The following PHF1 variants were observed in gnomAD, a reference collection of about 807,000 sequenced individuals.
PHF1 encodes the protein PHD finger protein 1.
A neutral mutation model predicts 69.4 loss-of-function variants in PHF1; 16 were observed. That is an observed-to-expected ratio of 0.23 (90% CI 0.16 to 0.35). The LOEUF (loss-of-function observed/expected upper bound fraction) is 0.35. Among genes scored for constraint, PHF1 ranks in the 10% least tolerant of loss-of-function variants. The probability of loss-of-function intolerance (pLI) is 1.00; values close to 1 mark genes in which losing one functional copy is unlikely to be tolerated. For missense variants in PHF1, 515 were observed against 732.8 expected (o/e 0.70, Z 3.43); for synonymous variants, 274 against 275.0 (o/e 1.00, Z 0.04).
rs369609725 is a variant in PHF1 at position 33,414,022 on chromosome 6, C to T, written c.684-19C>T. ...GTTTTCCTGTGTAAGTGTGTTTGCTCCCTCTTGCCCATGTCCAGGTTCTAT... is the reference window on the plus strand; with the variant it reads ...GTTTTCCTGTGTAAGTGTGTTTGCTTCCTCTTGCCCATGTCCAGGTTCTAT... On this transcript the variant is annotated intron_variant, in intron 7 of 14. Coordinates refer to ENST00000374516, the MANE Select transcript of PHF1 (RefSeq NM_024165.3). The surrounding 1 kb of genome is among the most constrained non-coding windows in gnomAD (Gnocchi z 5.0). 9.4e-5 allele frequency: 151 copies of T among 1,613,896 alleles called. No individual in the cohort carries two copies. The highest frequency in any genetic ancestry group is 5.7e-4 in the African/African-American group (43 of 74,994).
At chr6:33,413,168 A>C in intron 4 of PHF1, 28 bp from the exon 5 acceptor site, 1 of 1,573,730 alleles carries the variant, frequency 6.4e-7, no homozygotes, top group Middle Eastern at 1.7e-4. Context: ...ACAGGTATGC[A>C]ATAAGTGGTC....
chr6:33,415,921 A>ACGCTCAGCACCCCCTTCTCCCCTGTGC lies in PHF1; in HGVS notation c.1530_1556dup (p.Ala512_Ser520dup). 1.9e-6 allele frequency: 3 copies of ACGCTCAGCACCCCCTTCTCCCCTGTGC among 1,614,012 alleles called. No homozygotes were observed. In the Admixed American group the frequency reaches 5.0e-5, roughly 27 times the overall value. Reference sequence around the variant, plus strand: ...CATCCCCATCCCCAGGTCTTCCTAGACGCTCAGCACCCCCTTCTCCCCTGT... The same window carrying ACGCTCAGCACCCCCTTCTCCCCTGTGC: ...CATCCCCATCCCCAGGTCTTCCTAGACGCTCAGCACCCCCTTCTCCCCTGTGCCGCTCAGCACCCCCTTCTCCCCTGT... On this transcript the variant is annotated inframe_insertion, in exon 15 of 15. Coordinates refer to ENST00000374516, the MANE Select transcript of PHF1 (RefSeq NM_024165.3).
chr6:33,416,428 G>A lies in PHF1; in HGVS notation c.*330G>A, dbSNP rs1159834649. ...GGACTCTGTATGATTGAAATAAAGA[G>A]AAATAAACAAATCTAGCAGCTCTGA... On this transcript the variant is annotated 3_prime_UTR_variant, in exon 15 of 15. Coordinates refer to ENST00000374516, the MANE Select transcript of PHF1 (RefSeq NM_024165.3). 4 of 555,592 alleles carry A rather than the reference G, an allele frequency of 7.2e-6. No homozygotes were observed. The African/African-American group carries it at 7.5e-5, about 10-fold the overall frequency. The allele number at this position is 555,592 out of a possible 1,614,324, so 34.4% of individuals were successfully genotyped here. A position where few individuals can be genotyped will look rare whatever the true frequency, so the allele number is the denominator to read the frequency against.
At position 33,414,621 on chromosome 6, in the gene PHF1, T is replaced by A. The variant is rs1416106798; in HGVS notation, c.944+77T>A. On this transcript the variant is annotated intron_variant, in intron 10 of 14. Transcript: ENST00000374516. The surrounding 1 kb of genome is among the most constrained non-coding windows in gnomAD (Gnocchi z 5.0). ...GTGGAAGCCTGGAAGGGGAGGGGCT[T>A]GCAACCCACCTGGAAGACTGTGACT... is the stretch of plus-strand genomic sequence containing the variant. The A allele has an allele frequency of 3.9e-6, 6 of 1,558,100 alleles. No individual in the cohort carries two copies. Among genetic ancestry groups the A allele is most frequent in the Non-Finnish European group, 5.3e-6 (6 of 1,138,360 alleles).
At chr6:33,410,632 G>C, upstream of PHF1, 1 of 149,150 alleles carries the variant, frequency 6.7e-6, no homozygotes. Flanking sequence ...TGAATGGAGG[G>C]CGGGGCTGTG....
Position 33,414,030 on chromosome 6 carries a change from C to G in PHF1, c.684-11C>G. The G allele has an allele frequency of 1.2e-6, 2 of 1,613,946 alleles. No homozygotes were observed. Among genetic ancestry groups the G allele is most frequent in the Non-Finnish European group, 1.7e-6 (2 of 1,180,006 alleles). Reference sequence around the variant, plus strand: ...GTGTAAGTGTGTTTGCTCCCTCTTGCCCATGTCCAGGTTCTATGAATTTGA... The same window carrying G: ...GTGTAAGTGTGTTTGCTCCCTCTTGGCCATGTCCAGGTTCTATGAATTTGA... On this transcript the variant is annotated splice_polypyrimidine_tract_variant and intron_variant, in intron 7 of 14. Transcript: ENST00000374516. This position sits in a 1 kb window ranked among gnomAD's most constrained non-coding sequence, Gnocchi z 5.0.
In PHF1 at chr6:33,414,913, G is replaced by T. The variant is rs1776333694; in HGVS notation, c.1050-42G>T. The T allele has an allele frequency of 1.3e-6, 2 of 1,521,942 alleles. No homozygotes were observed. Among genetic ancestry groups the T allele is most frequent in the African/African-American group, 1.4e-5 (1 of 71,450 alleles). The allele number at this position is 1,521,942 out of a possible 1,614,324, so 94.3% of individuals were successfully genotyped here. On this transcript the variant is annotated intron_variant, in intron 11 of 14. Transcript: ENST00000374516. This position sits in a 1 kb window ranked among gnomAD's most constrained non-coding sequence, Gnocchi z 5.0. Reference sequence around the variant, plus strand: ...GTATAGAGATGGGGAGGTCTTGGGGGTGTCCGGGAGGGGGCTGGGGGGATA... The same window carrying T: ...GTATAGAGATGGGGAGGTCTTGGGGTTGTCCGGGAGGGGGCTGGGGGGATA...
chr6:33,415,419 C>T lies in PHF1; in HGVS notation c.1334+90C>T, dbSNP rs565996743. The T allele has an allele frequency of 3.2e-6, 4 of 1,266,898 alleles. No individual in the cohort carries two copies. The Admixed American group carries it at 5.5e-5, about 18-fold the overall frequency. 78.5% of individuals were successfully genotyped at this position (1,266,898 alleles called of 1,614,324 possible). On this transcript the variant is annotated intron_variant, in intron 13 of 14. Transcript: ENST00000374516. The stretch of plus-strand genomic sequence containing the variant: ...ATCACCCAGAATTCTTTTCCCTCTC[C>T]CCCTTGGCTACCCACTTCTTGGCCT...
rs372667204 is a variant in PHF1, at chr6:33,414,719, C to G, written c.945-6C>G. On this transcript the variant is annotated splice_polypyrimidine_tract_variant and splice_region_variant and intron_variant, in intron 10 of 14. Coordinates refer to ENST00000374516, the MANE Select transcript of PHF1 (RefSeq NM_024165.3). The surrounding 1 kb of genome is among the most constrained non-coding windows in gnomAD (Gnocchi z 5.0). ...TGACCCTATATCATTTCTCTTCTTG[C>G]CCCAGTTTCATTTCAGGGAGAGAGA... 10 of 1,609,200 alleles carry G rather than the reference C, an allele frequency of 6.2e-6. No homozygotes were observed.
At chr6:33,415,183 G>A (rs761484782) in intron 12 of PHF1, 39 bp downstream of exon 12, 2 of 1,613,248 alleles carry the variant, frequency 1.2e-6, no homozygotes, top group Non-Finnish European at 1.7e-6. Context: ...CAAATGGTGG[G>A]GTGTGGGAAG....
At chr6:33,415,376 T>A (rs766458873) in intron 13 of PHF1, 47 bp downstream of exon 13, 9 of 1,453,066 alleles carry the variant, frequency 6.2e-6, no homozygotes, top group Non-Finnish European at 8.7e-6. Flanking sequence ...TCCCAATTAT[T>A]CACATCTTCT....
chr6:33,414,652 G>A lies in PHF1; in HGVS notation c.945-73G>A. 8 of 1,544,782 alleles carry A rather than the reference G, an allele frequency of 5.2e-6. No individual in the cohort carries two copies. The highest frequency in any genetic ancestry group is 6.3e-6 in the Non-Finnish European group (7 of 1,118,590). On this transcript the variant is annotated intron_variant, in intron 10 of 14. Coordinates refer to ENST00000374516, the MANE Select transcript of PHF1 (RefSeq NM_024165.3). The surrounding 1 kb of genome is among the most constrained non-coding windows in gnomAD (Gnocchi z 5.0). ...CCACCTGGAAGACTGTGACTGAAAA[G>A]GATTGAGGAATGGCGTAAGGAGGAA...
Position 33,416,244 on chromosome 6 carries a change from G to A in PHF1, c.*146G>A. 1 of 598,630 alleles carries A rather than the reference G, an allele frequency of 1.7e-6. No homozygotes were observed. The highest frequency in any genetic ancestry group is 2.7e-6 in the Non-Finnish European group (1 of 370,808). 37.1% of individuals were successfully genotyped at this position (598,630 alleles called of 1,614,324 possible). ...AGGCTGGAATCCAAGAGTGGGGAGTGGGGAAGAGGCCCTCTTCTCTACCCT... is the reference window on the plus strand; with the variant it reads ...AGGCTGGAATCCAAGAGTGGGGAGTAGGGAAGAGGCCCTCTTCTCTACCCT... On this transcript the variant is annotated 3_prime_UTR_variant, in exon 15 of 15. Transcript: ENST00000374516.
rs768637374 is a variant in PHF1 at position 33,414,373 on chromosome 6, GGTA to G, written c.876+10_876+12del. ...CAGTTTGCTCCTGGGGGAGGTAAGG[GGTA>G]GTGCAGTTTTGGGGGTTGGGATGGG... On this transcript the variant is annotated splice_region_variant and intron_variant, in intron 9 of 14. Transcript: ENST00000374516. This position sits in a 1 kb window ranked among gnomAD's most constrained non-coding sequence, Gnocchi z 5.0. The G allele has an allele frequency of 1.9e-5, 31 of 1,613,846 alleles. No homozygotes were observed. Among genetic ancestry groups the G allele is most frequent in the Non-Finnish European group, 2.5e-5 (30 of 1,179,964 alleles).
At position 33,412,070 on chromosome 6, in the gene PHF1, G is replaced by T. The variant is rs146797571; in HGVS notation, c.-16-178G>T. Among the ~76,000 whole-genome samples, 1,598 of 151,980 alleles carry T rather than the reference G, an allele frequency of 0.011. 31 individuals carry two copies. The highest frequency in any genetic ancestry group is 0.03 in the African/African-American group (1,261 of 41,412). On this transcript the variant is annotated intron_variant, in intron 1 of 14. Transcript: ENST00000374516. The surrounding 1 kb of genome is among the most constrained non-coding windows in gnomAD (Gnocchi z 4.2). Reference sequence around the variant, plus strand: ...CCACCTACTTGGGAGACTGAGGCAGGAGAATTGCCTGAACCCGGGAGGTGG... The same window carrying T: ...CCACCTACTTGGGAGACTGAGGCAGTAGAATTGCCTGAACCCGGGAGGTGG...
In PHF1 at chr6:33,412,829, T is replaced by C; in HGVS notation, c.337+36T>C. ...AGGTCACCTGAATGGTCCAGCTTGC[T>C]CTTCCCTCCAGGATGGTCTCTATAT... is the stretch of plus-strand genomic sequence containing the variant. On this transcript the variant is annotated intron_variant, in intron 4 of 14. Transcript: ENST00000374516. The surrounding 1 kb of genome is among the most constrained non-coding windows in gnomAD (Gnocchi z 4.2). 1.9e-6 allele frequency: 3 copies of C among 1,554,762 alleles called. No individual in the cohort carries two copies. The highest frequency in any genetic ancestry group is 2.7e-6 in the Non-Finnish European group (3 of 1,126,394).
chr6:33,413,374 C>G (rs777163492), intron 5 of PHF1, 35 bp from the exon 6 acceptor site: 2 of 1,613,140 alleles, frequency 1.2e-6, no homozygotes, highest in African/African-American at 1.3e-5. Context: ...CTCTCCCCAC[C>G]CCTCTGAAGC....
chr6:33,414,967 G>T lies in PHF1; in HGVS notation c.1062G>T (p.Gly354=). 1.3e-6 allele frequency: 2 copies of T among 1,539,958 alleles called. No homozygotes were observed. The highest frequency in any genetic ancestry group is 1.8e-6 in the Non-Finnish European group (2 of 1,142,052). The change falls in exon 12 of 15, where the codon GGG becomes GGT. Residue 354 remains glycine, a synonymous_variant. Transcript: ENST00000374516. The surrounding 1 kb of genome is among the most constrained non-coding windows in gnomAD (Gnocchi z 5.0). ...GDGALTSFPS[G]QGPGGGVSRP... ...AGGCCTCTTACAGCTTCCCTTCAGG[G>T]CAGGGCCCTGGGGGAGGGGTCTCAC...
In PHF1 at chr6:33,414,878, G is replaced by C; in HGVS notation, c.1049+49G>C. On this transcript the variant is annotated intron_variant, in intron 11 of 14. Coordinates refer to ENST00000374516, the MANE Select transcript of PHF1 (RefSeq NM_024165.3). This position sits in a 1 kb window ranked among gnomAD's most constrained non-coding sequence, Gnocchi z 5.0. ...GGAAATTCTCAGGGTGTTAGTCCTGGGGGGTATATGTATAGAGATGGGGAG... is the reference window on the plus strand; with the variant it reads ...GGAAATTCTCAGGGTGTTAGTCCTGCGGGGTATATGTATAGAGATGGGGAG... The C allele has an allele frequency of 6.3e-7, 1 of 1,579,890 alleles. No individual in the cohort carries two copies. The highest frequency in any genetic ancestry group is 8.6e-7 in the Non-Finnish European group (1 of 1,157,692).
Sources: gnomAD v4.1 joint callset for allele counts (sites outside exome capture counted in the v4.1 genomes callset) on GRCh38, gnomAD v4.1.1 for gene constraint, Gnocchi (gnomAD v3.1) non-coding constraint, MANE v1.5 for transcripts, NCBI Gene and HGNC (gene_info 2026-07-23, HGNC 2026-07-21) for gene names.